The following TRAPPC13 variants were observed in gnomAD, a reference collection of about 807,000 sequenced individuals.
The protein encoded by TRAPPC13 is REV7-interacting novel NHEJ regulator 1.
TRAPPC13 carries 39 observed loss-of-function variants against 54.0 expected under a neutral mutation model. That is an observed-to-expected ratio of 0.72 (90% CI 0.56 to 0.94). The LOEUF is 0.94. Ranked by LOEUF, TRAPPC13 falls within the 40% of genes least tolerant of loss-of-function variation. The pLI is 0.00. For missense variants in TRAPPC13, 386 were observed against 488.1 expected, an observed-to-expected ratio of 0.79 and a Z score of 1.97; for synonymous variants, 148 against 167.7, an observed-to-expected ratio of 0.88 and a Z score of 0.91.
intron 6 of TRAPPC13, among the ~76,000 whole-genome samples, chr5:65,651,103 A>G (rs922263913): frequency 1.3e-5 from 2 of 152,208 alleles, no homozygotes; most frequent in Non-Finnish European, 2.9e-5. Flanking sequence ...ATGAAACTTG[A>G]AGGTGTTTAT....
At chr5:65,625,234 G>T (rs1306782926) in intron 1 of TRAPPC13, 128 bp downstream of exon 1, 3 of 819,564 alleles carry the variant, frequency 3.7e-6, no homozygotes, top group Non-Finnish European at 6.1e-6. Flanking sequence ...GTCCTTTGCC[G>T]CCAAGCGGGA....
chr5:65,639,483 G>A (rs1477647195), intron 4 of TRAPPC13, among the ~76,000 whole-genome samples: 1 of 152,052 alleles, frequency 6.6e-6, no homozygotes, highest in Non-Finnish European at 1.5e-5. Context: ...AACATAACGA[G>A]ACTCCCATCT....
intron 4 of TRAPPC13, among the ~76,000 whole-genome samples, chr5:65,640,161 T>C (rs1755909489): frequency 6.6e-6 from 1 of 152,222 alleles, no homozygotes; most frequent in Admixed American, 6.5e-5. Flanking sequence ...TGTCTGTTTT[T>C]ATAAGGCTTT....
chr5:65,636,641 C>A (rs1755761633), intron 3 of TRAPPC13, among the ~76,000 whole-genome samples: 2 of 152,054 alleles, frequency 1.3e-5, no homozygotes, highest in Non-Finnish European at 2.9e-5. Flanking sequence ...ATGTAAACAT[C>A]TTTTTCAGAA....
intron 3 of TRAPPC13, among the ~76,000 whole-genome samples, chr5:65,637,468 A>G (rs1009827842): frequency 1.3e-5 from 2 of 152,026 alleles, no homozygotes; most frequent in Admixed American, 1.3e-4. Context: ...CGTCTCTACT[A>G]AAAATACAAA....
intron 1 of TRAPPC13, chr5:65,629,680 T>G (rs1036277762): frequency 1.3e-6 from 2 of 1,535,954 alleles, no homozygotes; most frequent in African/African-American, 2.7e-5. Context: ...AAGACTTTCC[T>G]ACTCGTCCGC....
intron 1 of TRAPPC13, among the ~76,000 whole-genome samples, chr5:65,627,491 G>A (rs890480179): frequency 3.3e-5 from 5 of 152,032 alleles, no homozygotes; most frequent in Admixed American, 6.6e-5. Context: ...TTAGCCAGGC[G>A]TGATGGTGTG....
chr5:65,644,499 A>C (rs1398310706), intron 4 of TRAPPC13, among the ~76,000 whole-genome samples: 2 of 152,242 alleles, frequency 1.3e-5, no homozygotes, highest in African/African-American at 4.8e-5. Flanking sequence ...AGTTATGATT[A>C]AAATGACACA....
chr5:65,635,552 C>T (rs1428522763), intron 2 of TRAPPC13, among the ~76,000 whole-genome samples, 183 bp downstream of exon 2: 1 of 152,190 alleles, frequency 6.6e-6, no homozygotes, highest in Admixed American at 6.5e-5. Flanking sequence ...TTATACTCTA[C>T]AAGTCCAAAT....
chr5:65,629,514 AAATT>A, intron 1 of TRAPPC13: 1 of 1,440,978 alleles, frequency 6.9e-7, no homozygotes, highest in South Asian at 1.5e-5. Context: ...TTGCAATAAT[AAATT>A]AACATTCTAG....
chr5:65,649,857 ATTTT>A (rs34497762), intron 5 of TRAPPC13, among the ~76,000 whole-genome samples: 5 of 134,238 alleles, frequency 3.7e-5, no homozygotes, highest in Non-Finnish European at 8.0e-5. Context: ...ATCTATCTGT[ATTTT>A]TTTTTTTTTT....
At chr5:65,639,176 A>G (rs553871313) in intron 4 of TRAPPC13, among the ~76,000 whole-genome samples, 5 of 152,200 alleles carry the variant, frequency 3.3e-5, no homozygotes, top group South Asian at 2.1e-4. Flanking sequence ...CCATGATTCA[A>G]TTATCTCCCA....
intron 6 of TRAPPC13, 84 bp downstream of exon 6, chr5:65,650,966 AAAAC>A: frequency 2.0e-6 from 2 of 999,362 alleles, no homozygotes; most frequent in Non-Finnish European, 3.1e-6. Context: ...ATCTGCAGGG[AAAAC>A]AAGCTCCAAA....
chr5:65,641,724 A>C (rs1717477417), intron 4 of TRAPPC13, among the ~76,000 whole-genome samples: 1 of 151,422 alleles, frequency 6.6e-6, no homozygotes, highest in Non-Finnish European at 1.5e-5. Context: ...AAAAAAAAAA[A>C]ACAAAAAAAA....
intron 6 of TRAPPC13, among the ~76,000 whole-genome samples, chr5:65,651,842 GTTTTTTTTTTTTTTTTTTTTTTT>G (rs762929434): frequency 1.5e-4 from 6 of 41,162 alleles, no homozygotes; most frequent in East Asian, 1.9e-3. Flanking sequence ...ACGTGATTCA[GTTTTTTTTTTTTTTTTTTTTTTT>G]TTTTTTTTTT....
intron 5 of TRAPPC13, among the ~76,000 whole-genome samples, chr5:65,648,598 C>A (rs1035206747): frequency 2.6e-5 from 4 of 152,136 alleles, no homozygotes; most frequent in Non-Finnish European, 5.9e-5. Flanking sequence ...AGATCCTCTA[C>A]CTTGCTATAC....
At chr5:65,651,027 T>A in intron 6 of TRAPPC13, 145 bp downstream of exon 6, 1 of 621,798 alleles carries the variant, frequency 1.6e-6, no homozygotes, top group Middle Eastern at 3.5e-4. Flanking sequence ...TGACTAGCAG[T>A]CTAAACTCAG....
At position 65,629,562 on chromosome 5, in the gene TRAPPC13, A is replaced by G. The variant is rs1373783560; in HGVS notation, c.46+4456A>G. On this transcript the variant is annotated intron_variant, in intron 1 of 12. Coordinates refer to ENST00000399438, the MANE Select transcript of TRAPPC13 (RefSeq NM_024941.4). Reference sequence around the variant, plus strand: ...AGTTCAACTAAGAAATTTTCTCATCACTAAGAGTAACTGGATTACTGCAGA... The same window carrying G: ...AGTTCAACTAAGAAATTTTCTCATCGCTAAGAGTAACTGGATTACTGCAGA... 8.7e-6 allele frequency: 13 copies of G among 1,494,442 alleles called. No homozygotes were observed. In the East Asian group the frequency reaches 3.2e-4, roughly 37 times the overall value. 92.6% of individuals were successfully genotyped at this position (1,494,442 alleles called of 1,614,324 possible).
intron 1 of TRAPPC13, 21 bp from the exon 2 acceptor site, chr5:65,635,280 T>C: frequency 6.2e-7 from 1 of 1,608,870 alleles, no homozygotes; most frequent in African/African-American, 1.3e-5. Flanking sequence ...TTTTGTTTTC[T>C]TTTACTTTTT....
Sources: allele counts gnomAD v4.1 joint callset (sites outside exome capture counted in the v4.1 genomes callset), GRCh38; gene constraint gnomAD v4.1.1; transcripts MANE v1.5; gene names NCBI Gene and HGNC (gene_info 2026-07-23, HGNC 2026-07-21).